The following DIAPH3 variants were observed in gnomAD, a reference collection of about 807,000 sequenced individuals.
DIAPH3 encodes the protein diaphanous related formin 3, also known as protein diaphanous homolog 3.
In DIAPH3, 117 loss-of-function variants were observed where a neutral mutation model predicts 144.3. The observed-to-expected ratio is 0.81, with a 90% CI of 0.70 to 0.95. DIAPH3 has a LOEUF of 0.95. DIAPH3 is among the 40% of genes least tolerant of loss of function. DIAPH3 has a pLI of 0.00. For missense variants in DIAPH3, 1,421 were observed against 1,412.7 expected (o/e 1.01, Z -0.09); for synonymous variants, 519 against 488.9 (o/e 1.06, Z -0.81).
chr13:59,914,264 T>C (rs200918289), intron 19 of DIAPH3, among the ~76,000 whole-genome samples: 17 of 152,174 alleles, frequency 1.1e-4, no homozygotes, highest in South Asian at 6.2e-4. Context: ...CTGGTCAAAA[T>C]AGGAATTCTT....
chr13:60,015,865 A>G, intron 7 of DIAPH3, 48 bp downstream of exon 7: 1 of 1,497,698 alleles, frequency 6.7e-7, no homozygotes, highest in South Asian at 1.1e-5. Flanking sequence ...TGAAAATCAT[A>G]TATTACAAAA....
At chr13:60,112,821 G>A (rs2058605457) in intron 2 of DIAPH3, among the ~76,000 whole-genome samples, 1 of 152,056 alleles carries the variant, frequency 6.6e-6, no homozygotes, top group African/African-American at 2.4e-5. Context: ...TCTACAACTA[G>A]ATAATCAAAT....
chr13:59,979,853 T>C (rs1337599737), intron 14 of DIAPH3, among the ~76,000 whole-genome samples: 2 of 151,630 alleles, frequency 1.3e-5, no homozygotes, highest in African/African-American at 4.8e-5. Context: ...GTAAGAATTA[T>C]CGTCACTCCT....
chr13:60,104,566 G>GCACGCA (rs1555375782), intron 3 of DIAPH3, among the ~76,000 whole-genome samples: 1 of 147,026 alleles, frequency 6.8e-6, no homozygotes, highest in African/African-American at 2.5e-5. Context: ...CAGTATCAAG[G>GCACGCA]CACACACACA....
intron 25 of DIAPH3, among the ~76,000 whole-genome samples, chr13:59,802,231 A>G (rs1318719312): frequency 6.6e-6 from 1 of 152,204 alleles, no homozygotes; most frequent in East Asian, 1.9e-4. Context: ...AAGAAGCACA[A>G]TGGTTGTGCT....
intron 4 of DIAPH3, among the ~76,000 whole-genome samples, chr13:60,058,186 CAA>C (rs879771778): frequency 7.2e-6 from 1 of 137,976 alleles, no homozygotes. Context: ...CTCAAATCAG[CAA>C]AAAAAAAAAC....
chr13:60,014,293 C>T (rs996417130), intron 7 of DIAPH3, among the ~76,000 whole-genome samples: 21 of 152,176 alleles, frequency 1.4e-4, no homozygotes, highest in Admixed American at 6.5e-4. Context: ...AAGACCTCTC[C>T]CTATCAGCAA....
chr13:60,112,603 T>C (rs1028573064), intron 2 of DIAPH3, among the ~76,000 whole-genome samples: 3 of 152,172 alleles, frequency 2.0e-5, no homozygotes, highest in South Asian at 2.1e-4. Context: ...CCATAATGCA[T>C]CCTGTCTCTC....
rs1249121956 is a variant in DIAPH3, at chr13:59,666,145, C to T, written c.*439G>A. 1 of 159,112 alleles carries T rather than the reference C, an allele frequency of 6.3e-6. No individual in the cohort carries two copies. The highest frequency in any genetic ancestry group is 1.4e-5 in the Non-Finnish European group (1 of 73,152). 9.9% of individuals were successfully genotyped at this position (159,112 alleles called of 1,614,324 possible). Reference sequence around the variant, plus strand: ...AAGGAGAAACTTGGGCCTATATAAACAATATATATGGAATATACATGGATA... The same window carrying T: ...AAGGAGAAACTTGGGCCTATATAAATAATATATATGGAATATACATGGATA... On this transcript the variant is annotated 3_prime_UTR_variant, in exon 28 of 28. Coordinates refer to ENST00000400324, the MANE Select transcript of DIAPH3 (RefSeq NM_001042517.2).
At chr13:59,819,129 G>A (rs1265464747) in intron 24 of DIAPH3, among the ~76,000 whole-genome samples, 1 of 151,812 alleles carries the variant, frequency 6.6e-6, no homozygotes, top group African/African-American at 2.4e-5. Flanking sequence ...GACCTAAATT[G>A]TAACTGTCCT....
At chr13:59,860,005 A>C (rs1220045359) in intron 22 of DIAPH3, among the ~76,000 whole-genome samples, 1 of 152,166 alleles carries the variant, frequency 6.6e-6, no homozygotes, top group African/African-American at 2.4e-5. Context: ...GTGAAAATTT[A>C]AGTAAAAGGC....
chr13:59,745,489 A>T (rs754016089), intron 27 of DIAPH3, among the ~76,000 whole-genome samples: 4 of 152,218 alleles, frequency 2.6e-5, no homozygotes, highest in Non-Finnish European at 4.4e-5. Context: ...AAAAAAAATG[A>T]CTAGTGTTTG....
chr13:60,093,218 A>T (rs1314364216), intron 4 of DIAPH3, among the ~76,000 whole-genome samples: 1 of 152,200 alleles, frequency 6.6e-6, no homozygotes, highest in African/African-American at 2.4e-5. Flanking sequence ...AATTTTATTC[A>T]TAGGGAGACT....
At chr13:60,111,953 A>G (rs2058580388) in intron 3 of DIAPH3, 57 bp downstream of exon 3, 1 of 1,586,122 alleles carries the variant, frequency 6.3e-7, no homozygotes, top group Non-Finnish European at 8.6e-7. Context: ...TTCCATTAAC[A>G]TGAGCAAAAG....
At chr13:59,809,459 G>A (rs1269526040) in intron 25 of DIAPH3, among the ~76,000 whole-genome samples, 1 of 147,760 alleles carries the variant, frequency 6.8e-6, no homozygotes, top group Non-Finnish European at 1.5e-5. Flanking sequence ...CCGAGATCGC[G>A]CCATTGCACT....
intron 25 of DIAPH3, among the ~76,000 whole-genome samples, chr13:59,800,790 G>T (rs970663008): frequency 6.6e-6 from 1 of 152,050 alleles, no homozygotes; most frequent in South Asian, 2.1e-4. Flanking sequence ...TATTTCCAAC[G>T]ATCATAAACA....
At chr13:59,680,509 A>G (rs1335549088) in intron 27 of DIAPH3, among the ~76,000 whole-genome samples, 1 of 151,880 alleles carries the variant, frequency 6.6e-6, no homozygotes, top group Non-Finnish European at 1.5e-5. Context: ...GATGCTAATC[A>G]TACACTTACT....
rs2048468107 is a variant in DIAPH3 at position 59,940,361 on chromosome 13, A to G, written c.2075-15491T>C. On this transcript the variant is annotated intron_variant, in intron 17 of 27. Coordinates refer to ENST00000400324, the MANE Select transcript of DIAPH3 (RefSeq NM_001042517.2). ...AACTCCCCAACCTAACTAATTAAAA[A>G]CTATCTTTAAATGCTTCATGAAAAT... Among the ~76,000 whole-genome samples, 3 of 152,162 alleles carry G rather than the reference A, an allele frequency of 2.0e-5. No homozygotes were observed. In the South Asian group the frequency reaches 6.2e-4, roughly 32 times the overall value.
chr13:60,058,593 G>T (rs1467383193), intron 4 of DIAPH3, among the ~76,000 whole-genome samples: 1 of 151,944 alleles, frequency 6.6e-6, no homozygotes, highest in Non-Finnish European at 1.5e-5. Context: ...ATCTGCAATT[G>T]CAAAGACATG....
Sources: allele counts gnomAD v4.1 joint callset (sites outside exome capture counted in the v4.1 genomes callset), GRCh38; gene constraint gnomAD v4.1.1; transcripts MANE v1.5; gene names NCBI Gene and HGNC (gene_info 2026-07-23, HGNC 2026-07-21).